The following STS variants were observed in gnomAD, a reference collection of about 807,000 sequenced individuals.
The protein encoded by STS is steroid sulfatase.
In STS, 7 loss-of-function variants were observed where a neutral mutation model predicts 26.8. The ratio of observed to expected loss-of-function variants is 0.26; its 90% CI spans 0.15 to 0.49. The LOEUF is 0.49. STS is among the 20% of genes least tolerant of loss of function. STS has a pLI of 0.98. For missense variants in STS, 434 were observed against 465.6 expected (o/e 0.93, Z 0.63); for synonymous variants, 199 against 189.4 (o/e 1.05, Z -0.42).
chrX:7,268,490 C>T (rs1261951469), intron 6 of STS, among the ~76,000 whole-genome samples: 3 of 110,987 alleles, frequency 2.7e-5, no homozygotes, highest in Non-Finnish European at 5.7e-5. Flanking sequence ...TCATTAGTTT[C>T]GATAAGAGTG....
chrX:7,315,317 A>C (rs758978717), intron 8 of STS, among the ~76,000 whole-genome samples: 4 of 111,932 alleles, frequency 3.6e-5, no homozygotes, highest in African/African-American at 9.7e-5. Flanking sequence ...AATACTGTGG[A>C]AATTGAAAGT....
intron 8 of STS, among the ~76,000 whole-genome samples, chrX:7,306,114 T>C (rs1160730695): frequency 1.8e-5 from 2 of 111,716 alleles, no homozygotes; most frequent in Admixed American, 9.5e-5. Context: ...CTGGCTTGTA[T>C]AGTGTATGCT....
intron 7 of STS, among the ~76,000 whole-genome samples, chrX:7,297,838 T>C (rs1040864530): frequency 9.0e-6 from 1 of 111,561 alleles, no homozygotes; most frequent in Non-Finnish European, 1.9e-5. Flanking sequence ...TTAGGGGAGA[T>C]AGGAGCCACT....
chrX:7,329,605 T>C (rs1927651508), intron 9 of STS, among the ~76,000 whole-genome samples: 1 of 112,512 alleles, frequency 8.9e-6, no homozygotes, highest in South Asian at 3.7e-4. Flanking sequence ...TAGAGAGATA[T>C]TAAATTTGCA....
intron 9 of STS, among the ~76,000 whole-genome samples, chrX:7,327,247 A>G (rs1461864788): frequency 1.8e-5 from 2 of 111,039 alleles, no homozygotes; most frequent in Non-Finnish European, 3.8e-5. Context: ...TATAAAAATA[A>G]CATTGGCCTC....
At chrX:7,151,543 G>A (rs903808618) in intron 1 of STS, among the ~76,000 whole-genome samples, 4 of 111,959 alleles carry the variant, frequency 3.6e-5, no homozygotes, top group Admixed American at 9.5e-5. Flanking sequence ...ACCCCTTCCC[G>A]CTGCTGCTTT....
At chrX:7,152,293 G>C (rs1933035640) in intron 1 of STS, among the ~76,000 whole-genome samples, 1 of 111,891 alleles carries the variant, frequency 8.9e-6, no homozygotes, top group Non-Finnish European at 1.9e-5. Flanking sequence ...AATGTGTTAA[G>C]TTTACCAAGA....
chrX:7,250,702 T>C (rs908944628), intron 2 of STS, among the ~76,000 whole-genome samples: 1 of 112,562 alleles, frequency 8.9e-6, no homozygotes, highest in African/African-American at 3.2e-5. Context: ...TGTTTGAACA[T>C]GTTAAATTCA....
intron 6 of STS, among the ~76,000 whole-genome samples, chrX:7,273,034 C>T (rs866819927): frequency 9.0e-6 from 1 of 110,998 alleles, no homozygotes; most frequent in Non-Finnish European, 1.9e-5. Flanking sequence ...CCTTTAATGC[C>T]AGCTACTCCA....
intron 2 of STS, among the ~76,000 whole-genome samples, chrX:7,206,879 G>A (rs1252600053): frequency 8.9e-6 from 1 of 112,025 alleles, no homozygotes; most frequent in African/African-American, 3.2e-5. Context: ...TTCTTTTTCT[G>A]TACTCCATTT....
intron 2 of STS, among the ~76,000 whole-genome samples, chrX:7,229,385 G>A (rs192392783): frequency 9.0e-6 from 1 of 111,697 alleles, no homozygotes; most frequent in East Asian, 2.8e-4. Flanking sequence ...CTTAAGTCAT[G>A]CTCTGTTTGC....
At chrX:7,216,131 G>A (rs182707490) in intron 2 of STS, among the ~76,000 whole-genome samples, 174 of 111,897 alleles carry the variant, frequency 1.6e-3, no homozygotes, top group Admixed American at 5.5e-3. Flanking sequence ...CATCAGTGGG[G>A]TTATCTGCCT....
chrX:7,233,175 C>A (rs773771753), intron 2 of STS, among the ~76,000 whole-genome samples: 1 of 100,523 alleles, frequency 9.9e-6, no homozygotes, highest in Non-Finnish European at 2.0e-5. Context: ...CTCACTGCAA[C>A]CTCTGCCTCC....
intron 8 of STS, among the ~76,000 whole-genome samples, chrX:7,325,134 A>G (rs550713562): frequency 5.4e-5 from 6 of 112,040 alleles, no homozygotes; most frequent in Non-Finnish European, 9.4e-5. Flanking sequence ...AGTGCTGACC[A>G]TGTCACATAT....
At chrX:7,332,953 C>T (rs1184724382) in intron 9 of STS, among the ~76,000 whole-genome samples, 1 of 111,529 alleles carries the variant, frequency 9.0e-6, no homozygotes, top group Non-Finnish European at 1.9e-5. Flanking sequence ...GGGTTGAGAC[C>T]GGAGAAGTGC....
intron 8 of STS, among the ~76,000 whole-genome samples, chrX:7,318,987 T>C (rs1213189042): frequency 6.3e-5 from 7 of 111,899 alleles, no homozygotes; most frequent in African/African-American, 2.3e-4. Flanking sequence ...TATTTTGCTT[T>C]GTTTTCAAAG....
intron 2 of STS, among the ~76,000 whole-genome samples, chrX:7,206,461 T>A (rs1472702402): frequency 8.9e-6 from 1 of 112,515 alleles, no homozygotes; most frequent in Middle Eastern, 4.2e-3. Flanking sequence ...TTTATTTACT[T>A]ATTGATCAAT....
At chrX:7,149,739 G>C (rs1478377682) in intron 1 of STS, among the ~76,000 whole-genome samples, 1 of 111,760 alleles carries the variant, frequency 8.9e-6, no homozygotes, top group Non-Finnish European at 1.9e-5. Context: ...CCTTCTGAGG[G>C]CTGTGAGGAA....
intron 8 of STS, among the ~76,000 whole-genome samples, chrX:7,313,590 C>T (rs1926579215): frequency 8.9e-6 from 1 of 112,273 alleles, no homozygotes; most frequent in African/African-American, 3.2e-5. Flanking sequence ...AGCAGGTATC[C>T]ACAGCCTTTT....
Sources: allele counts gnomAD v4.1 joint callset (sites outside exome capture counted in the v4.1 genomes callset), GRCh38; gene constraint gnomAD v4.1.1; transcripts MANE v1.5; gene names NCBI Gene and HGNC (gene_info 2026-07-23, HGNC 2026-07-21).